The following WDFY4 variants were observed in gnomAD, a reference collection of about 807,000 sequenced individuals.
WDFY4 encodes WD repeat- and FYVE domain-containing protein 4.
WDFY4 carries 169 observed loss-of-function variants against 351.9 expected under a neutral mutation model. The ratio of observed to expected loss-of-function variants is 0.48; its 90% CI spans 0.42 to 0.55. The LOEUF (loss-of-function observed/expected upper bound fraction) is 0.55. WDFY4 is among the 20% of genes least tolerant of loss of function. WDFY4 has a pLI of 0.00. For missense variants in WDFY4, 3,803 were observed against 3,935.6 expected (o/e 0.97, Z 0.90); for synonymous variants, 1,622 against 1,574.6 (o/e 1.03, Z -0.71).
chr10:48,844,395 C>T (rs748562690), intron 39 of WDFY4, among the ~76,000 whole-genome samples: 3 of 152,018 alleles, frequency 2.0e-5, no homozygotes, highest in Non-Finnish European at 2.9e-5. Flanking sequence ...AGTTTGAGAC[C>T]GGCCTGGCCA....
chr10:48,741,135 C>T (rs1008120228), intron 11 of WDFY4, among the ~76,000 whole-genome samples: 2 of 152,082 alleles, frequency 1.3e-5, no homozygotes, highest in African/African-American at 4.8e-5. Flanking sequence ...AAAGAATCCT[C>T]GCCTGTGTGC....
At chr10:48,769,848 A>T (rs141647007) in intron 13 of WDFY4, among the ~76,000 whole-genome samples, 75 of 152,366 alleles carry the variant, frequency 4.9e-4, no homozygotes, top group African/African-American at 1.8e-3. Context: ...TCGTTAAGTG[A>T]AGAATGCAGA....
intron 39 of WDFY4, among the ~76,000 whole-genome samples, chr10:48,846,696 A>T (rs1220503083): frequency 6.6e-6 from 1 of 152,366 alleles, no homozygotes; most frequent in Non-Finnish European, 1.5e-5. Context: ...TGAGTCACAC[A>T]GTAGGACTAA....
chr10:48,823,982 A>G (rs1417894071), intron 35 of WDFY4: 10 of 985,378 alleles, frequency 1.0e-5, no homozygotes, highest in South Asian at 4.7e-5. Flanking sequence ...AGTAGCCTAT[A>G]ACAAATTCAT....
intron 51 of WDFY4, among the ~76,000 whole-genome samples, chr10:48,947,409 G>A (rs1035077602): frequency 6.6e-6 from 1 of 152,178 alleles, no homozygotes; most frequent in Non-Finnish European, 1.5e-5. Flanking sequence ...GAAAGGCTTC[G>A]AAGGACAAAA....
At chr10:48,831,184 C>T (rs1361697830) in intron 38 of WDFY4, among the ~76,000 whole-genome samples, 1 of 152,190 alleles carries the variant, frequency 6.6e-6, no homozygotes, top group African/African-American at 2.4e-5. Flanking sequence ...ACTTGAGGTT[C>T]TAGGTCCTAC....
At chr10:48,946,776 T>C in intron 50 of WDFY4, 84 bp from the exon 51 acceptor site, 2 of 1,008,472 alleles carry the variant, frequency 2.0e-6, no homozygotes, top group Non-Finnish European at 3.0e-6. Flanking sequence ...TTTAATGCCG[T>C]TCATGAACAC....
chr10:48,779,699 C>T (rs550317576), intron 18 of WDFY4, among the ~76,000 whole-genome samples: 62 of 152,322 alleles, frequency 4.1e-4, no homozygotes, highest in Non-Finnish European at 7.6e-4. Flanking sequence ...GAGCGCCTAC[C>T]TCACAGGGCT....
chr10:48,800,703 T>A (rs1223635453), intron 24 of WDFY4, among the ~76,000 whole-genome samples: 39 of 139,796 alleles, frequency 2.8e-4, no homozygotes, highest in South Asian at 2.1e-3. Context: ...TCTTTCTTTC[T>A]TTCTTTCTTT....
intron 43 of WDFY4, among the ~76,000 whole-genome samples, chr10:48,884,613 G>A (rs569459831): frequency 1.3e-5 from 2 of 151,806 alleles, no homozygotes; most frequent in Non-Finnish European, 2.9e-5. Flanking sequence ...ATGTGTGCAC[G>A]TGCACACACA....
rs1203346945 is a variant in WDFY4 at position 48,821,784 on chromosome 10, G to A, written c.5825-596G>A. 4.6e-5 allele frequency among the ~76,000 whole-genome samples: 7 copies of A among 152,178 alleles called. No individual in the cohort carries two copies. In the East Asian group the frequency reaches 1.3e-3, roughly 29 times the overall value. On this transcript the variant is annotated intron_variant, in intron 34 of 61. Coordinates refer to ENST00000325239, the MANE Select transcript of WDFY4 (RefSeq NM_001394531.1). Reference sequence around the variant, plus strand: ...GCCCTGACTTCATGATCCTTCTCATGGAGAGACTGGAATGCAGGAGAGTAG... The same window carrying A: ...GCCCTGACTTCATGATCCTTCTCATAGAGAGACTGGAATGCAGGAGAGTAG...
intron 44 of WDFY4, among the ~76,000 whole-genome samples, chr10:48,893,188 TATCTTCACATCA>T (rs1348455842): frequency 2.0e-5 from 3 of 152,252 alleles, no homozygotes; most frequent in African/African-American, 7.2e-5. Flanking sequence ...CTTGTCCCTG[TATCTTCACATCA>T]TCTTCCCTCT....
rs1260295721 is a variant in WDFY4 at position 48,780,130 on chromosome 10, T to C, written c.3576+11T>C. ...ATTGGCTCTGCCAAGGTGAGATGGC[T>C]CCTCCAAGCTGCACTTGCCCCACAA... On this transcript the variant is annotated intron_variant, in intron 19 of 61. Coordinates refer to ENST00000325239, the MANE Select transcript of WDFY4 (RefSeq NM_001394531.1). 1.3e-6 allele frequency: 2 copies of C among 1,551,608 alleles called. No homozygotes were observed. Among genetic ancestry groups the C allele is most frequent in the South Asian group, 2.4e-5 (2 of 84,056 alleles).
intron 11 of WDFY4, among the ~76,000 whole-genome samples, chr10:48,738,706 G>A (rs2064753570): frequency 1.3e-5 from 2 of 152,196 alleles, no homozygotes; most frequent in Non-Finnish European, 2.9e-5. Context: ...ACTTTGGAAC[G>A]AAGATGCTAA....
intron 19 of WDFY4, among the ~76,000 whole-genome samples, chr10:48,781,596 G>A (rs911819727): frequency 1.3e-5 from 2 of 152,126 alleles, no homozygotes; most frequent in Non-Finnish European, 2.9e-5. Flanking sequence ...GCGCCTGGCT[G>A]ACCAGAAAGA....
chr10:48,882,377 T>C, intron 43 of WDFY4, among the ~76,000 whole-genome samples: 1 of 152,188 alleles, frequency 6.6e-6, no homozygotes, highest in South Asian at 2.1e-4. Context: ...TTGCTATTAA[T>C]ATTATTATTA....
Position 48,803,282 on chromosome 10 carries a change from C to T in WDFY4, c.4411-4C>T. ...TTTAGCATGTGTTTTGTTTTGTCTT[C>T]CAGCTCTGGATGAATACTGCAGACA... is the stretch of plus-strand genomic sequence containing the variant. On this transcript the variant is annotated splice_polypyrimidine_tract_variant and splice_region_variant and intron_variant, in intron 24 of 61. Coordinates refer to ENST00000325239, the MANE Select transcript of WDFY4 (RefSeq NM_001394531.1). 1 of 1,551,832 alleles carries T rather than the reference C, an allele frequency of 6.4e-7. No homozygotes were observed. Among genetic ancestry groups the T allele is most frequent in the African/African-American group, 1.4e-5 (1 of 73,168 alleles).
intron 53 of WDFY4, among the ~76,000 whole-genome samples, chr10:48,962,435 C>G (rs1293520034): frequency 6.6e-6 from 1 of 152,180 alleles, no homozygotes. Flanking sequence ...CATTTTGAGG[C>G]TCTGGGCACC....
In WDFY4 at chr10:48,726,016, G is replaced by T; in HGVS notation, c.727G>T (p.Val243Leu). 6.4e-7 allele frequency: 1 copy of T among 1,551,642 alleles called. No individual in the cohort carries two copies. Among genetic ancestry groups the T allele is most frequent in the Non-Finnish European group, 8.7e-7 (1 of 1,146,966 alleles). ...CTTCTGGAAGGAACCCACCTTCTGCGTGCTAAGGGCAATCTCCAAGGCCCA... is the reference window on the plus strand; with the variant it reads ...CTTCTGGAAGGAACCCACCTTCTGCTTGCTAAGGGCAATCTCCAAGGCCCA... ...CCFWKEPTFC[V>L]LRAISKAQNL... Residue 243 changes from valine (V) to leucine (L), a missense_variant, in exon 6 of 62, where the codon GTG becomes TTG. Val to Leu is a conservative substitution (Grantham distance 32). Coordinates refer to ENST00000325239, the MANE Select transcript of WDFY4 (RefSeq NM_001394531.1).
Sources: gnomAD v4.1 joint callset for allele counts (sites outside exome capture counted in the v4.1 genomes callset) on GRCh38, gnomAD v4.1.1 for gene constraint, MANE v1.5 for transcripts, NCBI Gene and HGNC (gene_info 2026-07-23, HGNC 2026-07-21) for gene names.